Variants in SPIRE1 observed in about 807,000 individuals in gnomAD.
SPIRE1 encodes the protein protein spire homolog 1.
Under a neutral mutation model 94.1 loss-of-function variants are expected in SPIRE1, and 40 were observed. The observed-to-expected ratio is 0.43, with a 90% CI of 0.33 to 0.55. SPIRE1 has a LOEUF of 0.55. Ranked by LOEUF, SPIRE1 falls within the 20% of genes least tolerant of loss-of-function variation. The pLI, the probability that SPIRE1 is intolerant of heterozygous loss-of-function variation, is 0.06. For synonymous variants in SPIRE1, 376 were observed against 371.7 expected, an observed-to-expected ratio of 1.01 and a Z score of -0.13; for missense variants, 838 against 975.2, an observed-to-expected ratio of 0.86 and a Z score of 1.87.
intron 1 of SPIRE1, among the ~76,000 whole-genome samples, chr18:12,638,910 TC>T (rs1238264687): frequency 6.6e-6 from 1 of 152,162 alleles, no homozygotes; most frequent in African/African-American, 2.4e-5. Context: ...CAGCCATGCT[TC>T]CTGTACAGCC....
upstream of SPIRE1, among the ~76,000 whole-genome samples, chr18:12,661,024 C>G (rs543329854): frequency 2.6e-5 from 4 of 152,102 alleles, no homozygotes; most frequent in Non-Finnish European, 5.9e-5. Context: ...TTTTGATAAG[C>G]TGGCCAGGCA....
intron 4 of SPIRE1, among the ~76,000 whole-genome samples, chr18:12,534,258 T>G (rs991774072): frequency 1.3e-5 from 2 of 152,140 alleles, no homozygotes. Flanking sequence ...ATTGGGCAAA[T>G]AGTTTAGTTT....
chr18:12,501,315 G>T (rs1333531290), intron 6 of SPIRE1, among the ~76,000 whole-genome samples: 1 of 152,038 alleles, frequency 6.6e-6, no homozygotes, highest in Non-Finnish European at 1.5e-5. Flanking sequence ...TGGATACAGG[G>T]TTTATATAAT....
chr18:12,614,402 G>C (rs140971212), intron 2 of SPIRE1, among the ~76,000 whole-genome samples: 1 of 152,296 alleles, frequency 6.6e-6, no homozygotes, highest in African/African-American at 2.4e-5. Flanking sequence ...AGACAGTGCA[G>C]CTCTAGATCA....
At chr18:12,548,402 A>AAATT (rs2144293524) in intron 2 of SPIRE1, among the ~76,000 whole-genome samples, 1 of 152,332 alleles carries the variant, frequency 6.6e-6, no homozygotes, top group Admixed American at 6.5e-5. Context: ...AAAAATTCAA[A>AAATT]AATTCTCTAC....
chr18:12,648,258 T>TA lies in SPIRE1; in HGVS notation c.337+9271dup, dbSNP rs565898850. On this transcript the variant is annotated intron_variant, in intron 1 of 16. Transcript: ENST00000409402. The stretch of plus-strand genomic sequence containing the variant: ...TAAAGAACAACATATTAAAAAAAGG[T>TA]AAAAATAGTAACTTTTTAGTGGAGA... Among the ~76,000 whole-genome samples the TA allele has an allele frequency of 1.7e-3, 263 of 152,164 alleles. 2 individuals are homozygous for TA. The highest frequency in any genetic ancestry group is 7.5e-3 in the South Asian group (36 of 4,804).
intron 1 of SPIRE1, among the ~76,000 whole-genome samples, chr18:12,641,671 A>T (rs188308517): frequency 1.3e-5 from 2 of 152,082 alleles, no homozygotes; most frequent in African/African-American, 4.8e-5. Context: ...CCAGCCTCAT[A>T]CATGAATTTC....
At chr18:12,549,254 C>G (rs895427161) in intron 2 of SPIRE1, among the ~76,000 whole-genome samples, 8 of 152,000 alleles carry the variant, frequency 5.3e-5, no homozygotes, top group Non-Finnish European at 1.0e-4. Flanking sequence ...TAATGAAAGC[C>G]TCAGAAATCA....
chr18:12,557,630 C>T (rs1392071740), intron 2 of SPIRE1, among the ~76,000 whole-genome samples: 6 of 152,044 alleles, frequency 3.9e-5, no homozygotes, highest in Non-Finnish European at 5.9e-5. Flanking sequence ...TCAAGTGCAG[C>T]GAGAGTGGAT....
chr18:12,521,344 T>TC (rs1598432698), intron 4 of SPIRE1, among the ~76,000 whole-genome samples: 1 of 152,060 alleles, frequency 6.6e-6, no homozygotes, highest in Admixed American at 6.6e-5. Flanking sequence ...TACTTTTTTT[T>TC]TTTTTTTGGA....
intron 2 of SPIRE1, among the ~76,000 whole-genome samples, chr18:12,632,387 C>T (rs1057319881): frequency 6.6e-6 from 1 of 152,280 alleles, no homozygotes; most frequent in East Asian, 1.9e-4. Flanking sequence ...TCGTCTCTAA[C>T]CTAAAACGCA....
At chr18:12,510,891 G>A (rs1184266287) in intron 5 of SPIRE1, among the ~76,000 whole-genome samples, 1 of 152,124 alleles carries the variant, frequency 6.6e-6, no homozygotes, top group East Asian at 1.9e-4. Context: ...CTGTACCCAA[G>A]ACTGTCATGC....
chr18:12,585,519 T>C (rs2036373016), intron 2 of SPIRE1, among the ~76,000 whole-genome samples: 1 of 152,212 alleles, frequency 6.6e-6, no homozygotes, highest in South Asian at 2.1e-4. Flanking sequence ...TCTATCTCTA[T>C]AGCTGTTAGT....
At chr18:12,574,107 A>G (rs1950109518) in intron 2 of SPIRE1, among the ~76,000 whole-genome samples, 1 of 152,234 alleles carries the variant, frequency 6.6e-6, no homozygotes, top group Non-Finnish European at 1.5e-5. Flanking sequence ...ACATTGGTTC[A>G]ATGTAGTAAA....
At chr18:12,489,013 G>A (rs1006932731) in intron 8 of SPIRE1, among the ~76,000 whole-genome samples, 2 of 150,196 alleles carry the variant, frequency 1.3e-5, no homozygotes, top group African/African-American at 2.5e-5. Context: ...GTGAAACCCC[G>A]TCTCTACTAA....
At chr18:12,553,384 A>G (rs571526253) in intron 2 of SPIRE1, among the ~76,000 whole-genome samples, 11 of 152,092 alleles carry the variant, frequency 7.2e-5, no homozygotes, top group Admixed American at 7.2e-4. Context: ...GGCAGCATTC[A>G]CTAAAAACTG....
intron 2 of SPIRE1, among the ~76,000 whole-genome samples, chr18:12,609,772 C>T (rs1012676333): frequency 2.0e-5 from 3 of 152,300 alleles, no homozygotes; most frequent in East Asian, 1.9e-4. Flanking sequence ...GAGGCTCCCA[C>T]TGCCCATCTC....
chr18:12,635,006 GTCT>G, intron 2 of SPIRE1, 53 bp downstream of exon 2: 1 of 974,274 alleles, frequency 1.0e-6, no homozygotes, highest in Non-Finnish European at 1.6e-6. Context: ...ACTCAAGTTA[GTCT>G]AAACAGGACT....
rs2037901396 is a variant in SPIRE1 at position 12,635,627 on chromosome 18, A to G, written c.338-531T>C. Among the ~76,000 whole-genome samples the G allele has an allele frequency of 3.3e-5, 5 of 152,256 alleles. No homozygotes were observed. In the South Asian group the frequency reaches 1.0e-3, roughly 32 times the overall value. ...TATAATTAATTGAGTAATTTTTCCAACAGAGGCTCACTTAAAGAATAATTA... is the reference window on the plus strand; with the variant it reads ...TATAATTAATTGAGTAATTTTTCCAGCAGAGGCTCACTTAAAGAATAATTA... On this transcript the variant is annotated intron_variant, in intron 1 of 16. Transcript: ENST00000409402.
Sources: allele counts gnomAD v4.1 joint callset (sites outside exome capture counted in the v4.1 genomes callset), GRCh38; gene constraint gnomAD v4.1.1; transcripts MANE v1.5; gene names NCBI Gene and HGNC (gene_info 2026-07-23, HGNC 2026-07-21).